The following KPNA7 variants were observed in gnomAD, a reference collection of about 807,000 sequenced individuals.
KPNA7 encodes the protein importin subunit alpha-8.
KPNA7 carries 54 observed loss-of-function variants against 53.7 expected under a neutral mutation model. The observed-to-expected ratio is 1.01, with a 90% CI of 0.81 to 1.26. The LOEUF is 1.26. Ranked by LOEUF, KPNA7 falls within the 50% of genes most tolerant of loss-of-function variation. The pLI, the probability that KPNA7 is intolerant of heterozygous loss-of-function variation, is 0.00. For missense variants in KPNA7, 640 were observed against 644.5 expected (o/e 0.99, Z 0.07); for synonymous variants, 276 against 259.3 (o/e 1.06, Z -0.62).
intron 6 of KPNA7, among the ~76,000 whole-genome samples, chr7:99,190,653 C>CTTTT (rs78243243): frequency 1.9e-4 from 23 of 120,792 alleles, no homozygotes; most frequent in South Asian, 1.5e-3. Flanking sequence ...GCCAGTAAAA[C>CTTTT]TTTTTTTTTT....
chr7:99,184,808 G>T (rs999707340), intron 8 of KPNA7, 121 bp downstream of exon 8: 5 of 808,424 alleles, frequency 6.2e-6, no homozygotes, highest in African/African-American at 5.2e-5. Context: ...GGACTCTGAG[G>T]TTTCAGAGCT....
At chr7:99,210,588 G>GT (rs1791040526), upstream of KPNA7, among the ~76,000 whole-genome samples, 1 of 151,966 alleles carries the variant, frequency 6.6e-6, no homozygotes, top group African/African-American at 2.4e-5. Flanking sequence ...TTGCTTTTGT[G>GT]TTTTTGTTTT....
chr7:99,207,291 T>G, intron 2 of KPNA7, 110 bp downstream of exon 2: 2 of 854,986 alleles, frequency 2.3e-6, no homozygotes, highest in East Asian at 5.4e-5. Flanking sequence ...TCTCAGCCTC[T>G]CAAAGTGTTG....
Position 99,195,365 on chromosome 7 carries a change from A to AG in KPNA7, c.285-28dup, listed in dbSNP as rs777317705. The AG allele has an allele frequency of 1.5e-5, 23 of 1,530,520 alleles. 1 individual carries two copies. The South Asian group carries it at 2.5e-4, about 17-fold the overall frequency. 94.8% of individuals were successfully genotyped at this position (1,530,520 alleles called of 1,614,324 possible). A position where few individuals can be genotyped will look rare whatever the true frequency, so the allele number is the denominator to read the frequency against. On this transcript the variant is annotated intron_variant, in intron 4 of 10. Coordinates refer to ENST00000327442, the MANE Select transcript of KPNA7 (RefSeq NM_001145715.3). ...TATGCAATGAAAGAGAGGGCAGGGG[A>AG]GGGGGAGGTCAAGTGAGAGAGGTAT...
downstream of KPNA7, chr7:99,173,514 T>A: frequency 2.0e-6 from 1 of 509,712 alleles, no homozygotes; most frequent in Non-Finnish European, 3.5e-6. Context: ...TCTTAGGAGA[T>A]GAATTCCACA....
At chr7:99,147,832 A>G in the KPNA7 span, among the ~76,000 whole-genome samples, 9 of 151,788 alleles carry the variant, frequency 5.9e-5, no homozygotes, top group Non-Finnish European at 1.0e-4. Context: ...CCTGGGCAAC[A>G]TAACGAGACC....
At chr7:99,200,366 T>A (rs1490093829) in intron 3 of KPNA7, among the ~76,000 whole-genome samples, 3 of 152,152 alleles carry the variant, frequency 2.0e-5, no homozygotes, top group Non-Finnish European at 4.4e-5. Context: ...TTGCTCTTCT[T>A]ATAAGAATCA....
chr7:99,159,601 C>T, the KPNA7 span, among the ~76,000 whole-genome samples: 3 of 152,112 alleles, frequency 2.0e-5, no homozygotes, highest in Non-Finnish European at 4.4e-5. Flanking sequence ...TCCCTCTTCC[C>T]GTATTACTTT....
chr7:99,174,969 C>T (rs1176680062), intron 10 of KPNA7, among the ~76,000 whole-genome samples: 1 of 151,990 alleles, frequency 6.6e-6, no homozygotes, highest in Non-Finnish European at 1.5e-5. Context: ...CGTCACCACA[C>T]CCAGCTAATT....
At chr7:99,183,661 C>T (rs1250705598) in intron 8 of KPNA7, among the ~76,000 whole-genome samples, 1 of 152,084 alleles carries the variant, frequency 6.6e-6, no homozygotes, top group Non-Finnish European at 1.5e-5. Flanking sequence ...AACAGGAACA[C>T]CGCCAGTAGC....
chr7:99,163,381 A>ATT, the KPNA7 span, among the ~76,000 whole-genome samples: 6,318 of 58,254 alleles, frequency 0.11, 552 homozygotes, highest in Non-Finnish European at 0.14. Flanking sequence ...ATATATATAT[A>ATT]TATTTTTTTT....
At chr7:99,182,887 G>GAA (rs1448750366) in intron 8 of KPNA7, among the ~76,000 whole-genome samples, 9 of 152,116 alleles carry the variant, frequency 5.9e-5, no homozygotes, top group Non-Finnish European at 1.3e-4. Flanking sequence ...CTTTGGCCAA[G>GAA]AAGCTGTAAG....
intron 8 of KPNA7, among the ~76,000 whole-genome samples, chr7:99,182,984 G>A (rs1013320856): frequency 3.9e-5 from 6 of 152,106 alleles, no homozygotes; most frequent in African/African-American, 1.2e-4. Context: ...GGTCGGGCAC[G>A]GTGGCTCACA....
At chr7:99,186,101 C>T (rs1789574703) in intron 7 of KPNA7, among the ~76,000 whole-genome samples, 1 of 152,160 alleles carries the variant, frequency 6.6e-6, no homozygotes, top group Non-Finnish European at 1.5e-5. Flanking sequence ...TGACTATACT[C>T]TTTATCGTAT....
At chr7:99,205,541 G>A (rs868521279) in intron 2 of KPNA7, among the ~76,000 whole-genome samples, 3 of 151,486 alleles carry the variant, frequency 2.0e-5, no homozygotes, top group Admixed American at 6.6e-5. Context: ...AAACTTATAC[G>A]ATGCCAGTCA....
chr7:99,178,862 T>G (rs10279765), intron 9 of KPNA7, among the ~76,000 whole-genome samples: 1 of 149,736 alleles, frequency 6.7e-6, no homozygotes, highest in African/African-American at 2.5e-5. Flanking sequence ...GGCTCACTAC[T>G]CTCCCCACCT....
the KPNA7 span, among the ~76,000 whole-genome samples, chr7:99,167,219 T>TA: frequency 6.6e-6 from 1 of 152,140 alleles, no homozygotes; most frequent in South Asian, 2.1e-4. Flanking sequence ...CTGCCTGGGA[T>TA]GCCTTTCCCG....
intron 8 of KPNA7, 30 bp downstream of exon 8, chr7:99,184,899 T>TTTGCCA: frequency 6.5e-7 from 1 of 1,533,786 alleles, no homozygotes; most frequent in Non-Finnish European, 8.8e-7. Flanking sequence ...AAAGTAGTCC[T>TTTGCCA]TTGCCATGGT....
chr7:99,183,843 G>A (rs1009314957), intron 8 of KPNA7, among the ~76,000 whole-genome samples: 27 of 152,010 alleles, frequency 1.8e-4, no homozygotes, highest in African/African-American at 5.6e-4. Context: ...GAGAAATAAT[G>A]TTTTTTTGTT....
Sources: allele counts gnomAD v4.1 joint callset (sites outside exome capture counted in the v4.1 genomes callset), GRCh38; gene constraint gnomAD v4.1.1; transcripts MANE v1.5; gene names NCBI Gene and HGNC (gene_info 2026-07-23, HGNC 2026-07-21).